Variants in PTPRM observed in about 807,000 individuals in gnomAD.
PTPRM encodes receptor-type tyrosine-protein phosphatase mu.
Under a neutral mutation model 186.7 loss-of-function variants are expected in PTPRM, and 47 were observed. The observed-to-expected ratio is 0.25, with a 90% CI of 0.20 to 0.32. The LOEUF (loss-of-function observed/expected upper bound fraction) is 0.32, where lower values mean the gene tolerates loss of function less well. Ranked by LOEUF, PTPRM falls within the 10% of genes least tolerant of loss-of-function variation. The probability of loss-of-function intolerance (pLI) is 1.00; values close to 1 mark genes in which losing one functional copy is unlikely to be tolerated. For missense variants in PTPRM, 1,494 were observed against 1,865.0 expected (o/e 0.80, Z 3.66); for synonymous variants, 668 against 674.9 (o/e 0.99, Z 0.16).
chr18:7,847,382 G>A (rs1046990130), intron 2 of PTPRM, among the ~76,000 whole-genome samples: 8 of 151,886 alleles, frequency 5.3e-5, no homozygotes, highest in African/African-American at 1.9e-4. Flanking sequence ...GCCCAGGCTG[G>A]TCTCAAACTC....
intron 2 of PTPRM, among the ~76,000 whole-genome samples, chr18:7,844,480 C>G (rs186470192): frequency 6.6e-6 from 1 of 152,124 alleles, no homozygotes; most frequent in Admixed American, 6.5e-5. Flanking sequence ...CCTCCCACCC[C>G]CTCAACATGC....
chr18:8,218,566 C>G (rs532656637), intron 14 of PTPRM, among the ~76,000 whole-genome samples: 31 of 152,286 alleles, frequency 2.0e-4, no homozygotes, highest in African/African-American at 6.7e-4. Context: ...TTTGAATAAA[C>G]AGCAGATTAT....
At chr18:8,343,570 G>C in intron 23 of PTPRM, 50 bp downstream of exon 23, 1 of 1,536,042 alleles carries the variant, frequency 6.5e-7, no homozygotes, top group Non-Finnish European at 9.0e-7. Flanking sequence ...TGCTTAGTTG[G>C]TAACAGAAAG....
chr18:8,124,631 A>G (rs10468775), intron 13 of PTPRM, among the ~76,000 whole-genome samples: 21,124 of 152,200 alleles, frequency 0.14, 1,597 homozygotes, highest in African/African-American at 0.17. Flanking sequence ...CAAAGCTAAG[A>G]AAAGACAGCA....
intron 1 of PTPRM, among the ~76,000 whole-genome samples, chr18:7,597,286 C>G (rs1028245651): frequency 2.0e-5 from 3 of 152,164 alleles, no homozygotes; most frequent in African/African-American, 2.4e-5. Flanking sequence ...CCTCCAGAGG[C>G]CTTGAGGTGT....
intron 24 of PTPRM, among the ~76,000 whole-genome samples, chr18:8,375,455 C>G (rs1465529803): frequency 6.6e-6 from 1 of 151,728 alleles, no homozygotes; most frequent in African/African-American, 2.4e-5. Flanking sequence ...AAAGAGAAAC[C>G]TAACAAACAG....
At chr18:8,094,765 TC>T (rs2090929115) in intron 11 of PTPRM, among the ~76,000 whole-genome samples, 1 of 152,210 alleles carries the variant, frequency 6.6e-6, no homozygotes, top group Non-Finnish European at 1.5e-5. Context: ...TTTTCATTCT[TC>T]CTTTGGCAAA....
intron 1 of PTPRM, among the ~76,000 whole-genome samples, chr18:7,616,949 C>T (rs904555947): frequency 6.6e-6 from 1 of 152,020 alleles, no homozygotes; most frequent in East Asian, 1.9e-4. Context: ...GTGGGTTAGT[C>T]GAGGTTGTTC....
chr18:8,095,263 G>C (rs1447790335), intron 11 of PTPRM, among the ~76,000 whole-genome samples: 1 of 152,122 alleles, frequency 6.6e-6, no homozygotes, highest in Admixed American at 6.6e-5. Flanking sequence ...TCAGAGAGGA[G>C]GTAACCCTGG....
chr18:7,617,747 C>T (rs56079905), intron 1 of PTPRM, among the ~76,000 whole-genome samples: 6,177 of 152,182 alleles, frequency 0.041, 176 homozygotes, highest in South Asian at 0.12. Flanking sequence ...ATAAGCATTT[C>T]GTGAGAAGAG....
rs28449906 is a variant in PTPRM at position 8,013,800 on chromosome 18, A to C, written c.1133-55886A>C. Among the ~76,000 whole-genome samples the C allele has an allele frequency of 6.1e-3, 933 of 152,124 alleles. 6 individuals carry two copies. The highest frequency in any genetic ancestry group is 0.01 in the Non-Finnish European group (682 of 67,982). On this transcript the variant is annotated intron_variant, in intron 7 of 32. Transcript: ENST00000580170. The stretch of plus-strand genomic sequence containing the variant: ...GAGAAAAATCTATTTGAGCTTGTCA[A>C]AGTTTTTCTGTAGCTTCAAAAATAT...
At chr18:7,647,684 A>G (rs2038597908) in intron 1 of PTPRM, among the ~76,000 whole-genome samples, 1 of 152,226 alleles carries the variant, frequency 6.6e-6, no homozygotes, top group African/African-American at 2.4e-5. Flanking sequence ...GGAATCTGGC[A>G]CGTGGTGATT....
chr18:8,233,217 G>A (rs954878710), intron 14 of PTPRM, among the ~76,000 whole-genome samples: 5 of 152,238 alleles, frequency 3.3e-5, no homozygotes, highest in Non-Finnish European at 1.5e-5. Context: ...TGGGATTACA[G>A]GCGTAAGCCA....
intron 2 of PTPRM, among the ~76,000 whole-genome samples, chr18:7,885,752 C>G (rs2048752086): frequency 6.6e-6 from 1 of 152,162 alleles, no homozygotes; most frequent in Non-Finnish European, 1.5e-5. Flanking sequence ...CATAAAAATT[C>G]TTGTGTACTT....
At chr18:7,742,992 G>A (rs2040913254) in intron 1 of PTPRM, among the ~76,000 whole-genome samples, 1 of 152,212 alleles carries the variant, frequency 6.6e-6, no homozygotes, top group African/African-American at 2.4e-5. Context: ...ACAATGCTGT[G>A]AAAGAAGCAA....
At chr18:8,214,273 G>A (rs1435209037) in intron 14 of PTPRM, among the ~76,000 whole-genome samples, 1 of 139,172 alleles carries the variant, frequency 7.2e-6, no homozygotes, top group Non-Finnish European at 1.6e-5. Flanking sequence ...GCAAGAAATT[G>A]AAACTTAAAT....
chr18:7,853,591 A>T (rs1313555755), intron 2 of PTPRM, among the ~76,000 whole-genome samples: 1 of 152,198 alleles, frequency 6.6e-6, no homozygotes, highest in Non-Finnish European at 1.5e-5. Flanking sequence ...CATCAGGAAA[A>T]TTGCACTGGA....
intron 1 of PTPRM, among the ~76,000 whole-genome samples, chr18:7,644,137 A>G (rs73387570): frequency 0.066 from 10,009 of 152,220 alleles, 427 homozygotes; most frequent in African/African-American, 0.12. Flanking sequence ...AGAATATTTT[A>G]TAATACTTTG....
At chr18:7,689,667 A>T (rs2039691009) in intron 1 of PTPRM, among the ~76,000 whole-genome samples, 1 of 152,228 alleles carries the variant, frequency 6.6e-6, no homozygotes, top group Non-Finnish European at 1.5e-5. Context: ...GGAACTTGAA[A>T]TTAACAATGA....
Sources: gnomAD v4.1 joint callset for allele counts (sites outside exome capture counted in the v4.1 genomes callset) on GRCh38, gnomAD v4.1.1 for gene constraint, MANE v1.5 for transcripts, NCBI Gene and HGNC (gene_info 2026-07-23, HGNC 2026-07-21) for gene names.